Variants in MSI2 observed in about 807,000 individuals in gnomAD.
MSI2 encodes the protein RNA-binding protein Musashi homolog 2.
A neutral mutation model predicts 45.6 loss-of-function variants in MSI2; 17 were observed. The observed-to-expected ratio is 0.37, with a 90% confidence interval of 0.26 to 0.56. The LOEUF (loss-of-function observed/expected upper bound fraction) is 0.56. Among genes scored for constraint, MSI2 ranks in the 20% least tolerant of loss-of-function variants. The pLI is 0.77. For missense variants in MSI2, 293 were observed against 444.2 expected (o/e 0.66, Z 3.06); for synonymous variants, 156 against 158.2 (o/e 0.99, Z 0.11).
intron 5 of MSI2, among the ~76,000 whole-genome samples, chr17:57,356,628 C>A (rs1916442835): frequency 6.6e-6 from 1 of 152,144 alleles, no homozygotes; most frequent in African/African-American, 2.4e-5. Flanking sequence ...CATCTCAATA[C>A]ACAGATGGTT....
At chr17:57,463,896 A>G (rs1231954069) in intron 6 of MSI2, among the ~76,000 whole-genome samples, 2 of 152,134 alleles carry the variant, frequency 1.3e-5, no homozygotes, top group African/African-American at 4.8e-5. Context: ...TTAGACTGGA[A>G]CACTTCAGAC....
At chr17:57,480,044 C>T (rs2085617935) in intron 6 of MSI2, among the ~76,000 whole-genome samples, 1 of 152,150 alleles carries the variant, frequency 6.6e-6, no homozygotes. Context: ...GTGGCGCAGT[C>T]TCAGCTCACT....
chr17:57,364,161 C>G (rs1567781779), intron 5 of MSI2, among the ~76,000 whole-genome samples: 1 of 152,158 alleles, frequency 6.6e-6, no homozygotes, highest in Non-Finnish European at 1.5e-5. Context: ...TTTGTTAGCC[C>G]TCTCTGTGAG....
chr17:57,624,585 G>C (rs541886554), intron 9 of MSI2, among the ~76,000 whole-genome samples: 1 of 152,178 alleles, frequency 6.6e-6, no homozygotes, highest in African/African-American at 2.4e-5. Context: ...GTGCAGAGCT[G>C]CTGGGTCCTT....
chr17:57,579,610 A>G (rs978844143), intron 7 of MSI2, among the ~76,000 whole-genome samples: 3 of 152,228 alleles, frequency 2.0e-5, no homozygotes, highest in Non-Finnish European at 4.4e-5. Flanking sequence ...ATGTTGCTGT[A>G]AACGCAAGGA....
chr17:57,698,715 G>T, the MSI2 span, among the ~76,000 whole-genome samples: 1 of 152,032 alleles, frequency 6.6e-6, no homozygotes, highest in Non-Finnish European at 1.5e-5. Context: ...GCCCCTTGTT[G>T]CCTTTTCATG....
chr17:57,371,310 C>T (rs541657824), intron 5 of MSI2, among the ~76,000 whole-genome samples: 1 of 152,082 alleles, frequency 6.6e-6, no homozygotes, highest in Non-Finnish European at 1.5e-5. Context: ...TAGACGTTTA[C>T]AGAAAGGAGA....
chr17:57,322,897 G>C (rs920159395), intron 5 of MSI2, among the ~76,000 whole-genome samples: 1 of 152,128 alleles, frequency 6.6e-6, no homozygotes, highest in African/African-American at 2.4e-5. Context: ...GAAAATGAGG[G>C]CTGCAGGGCA....
chr17:57,330,558 C>T lies in MSI2; in HGVS notation c.312+68366C>T, dbSNP rs560377535. On this transcript the variant is annotated intron_variant, in intron 5 of 13. Transcript: ENST00000284073. ...CCTCCCAAAGTGCTGGGATTATAGT[C>T]GTGAGCCACTGTGTCCGGCCTCCTT... 1.1e-4 allele frequency among the ~76,000 whole-genome samples: 17 copies of T among 152,186 alleles called. No individual in the cohort carries two copies. The South Asian group carries it at 3.5e-3, about 32-fold the overall frequency.
chr17:57,496,288 A>T (rs1038451835), intron 6 of MSI2, among the ~76,000 whole-genome samples: 1 of 152,144 alleles, frequency 6.6e-6, no homozygotes, highest in Admixed American at 6.5e-5. Context: ...ACAGGAATGG[A>T]TCCCTTTGGC....
chr17:57,693,885 C>G, the MSI2 span, among the ~76,000 whole-genome samples: 1 of 152,146 alleles, frequency 6.6e-6, no homozygotes, highest in African/African-American at 2.4e-5. Context: ...CCAAATCAGG[C>G]CTGTTGCCTA....
chr17:57,662,237 T>C (rs986639618), intron 11 of MSI2, among the ~76,000 whole-genome samples: 4 of 152,132 alleles, frequency 2.6e-5, no homozygotes, highest in Non-Finnish European at 4.4e-5. Flanking sequence ...CTGTTGAAAT[T>C]AGATCTGTCA....
intron 5 of MSI2, among the ~76,000 whole-genome samples, chr17:57,295,992 CTTTTTTTTTTTTTTTTTTTTT>C (rs386386327): frequency 2.3e-4 from 9 of 38,656 alleles, no homozygotes; most frequent in Admixed American, 5.2e-4. Context: ...CGCAGCCTTC[CTTTTTTTTTTTTTTTTTTTTT>C]TTTTTTTTTT....
chr17:57,323,755 G>A (rs573447380), intron 5 of MSI2, among the ~76,000 whole-genome samples: 4 of 152,334 alleles, frequency 2.6e-5, no homozygotes, highest in East Asian at 3.9e-4. Context: ...TGTCAACGGG[G>A]GCATTTTAGG....
chr17:57,531,674 A>G (rs531783971), intron 7 of MSI2: 33 of 152,240 alleles, frequency 2.2e-4, no homozygotes, highest in African/African-American at 7.2e-4. Context: ...AAAATCAGTG[A>G]AAGTATTTTT....
At chr17:57,324,265 C>T (rs1383494928) in intron 5 of MSI2, among the ~76,000 whole-genome samples, 1 of 152,172 alleles carries the variant, frequency 6.6e-6, no homozygotes, top group African/African-American at 2.4e-5. Context: ...CCGCCGGAGC[C>T]CACACCCTGG....
Position 57,596,165 on chromosome 17 carries a change from G to A in MSI2, c.455-703G>A, listed in dbSNP as rs1398085421. ...GGGGCAGGAGGGTAGGAGAGGAACT[G>A]AGGATACTGAGCAGCAGTCGCCTGC... On this transcript the variant is annotated intron_variant, in intron 7 of 13. Transcript: ENST00000284073. This position sits in a 1 kb window ranked among gnomAD's most constrained non-coding sequence, Gnocchi z 4.6. Among the ~76,000 whole-genome samples the A allele has an allele frequency of 6.6e-6, 1 of 152,210 alleles. No homozygotes were observed. Among genetic ancestry groups the A allele is most frequent in the Non-Finnish European group, 1.5e-5 (1 of 68,044 alleles).
intron 7 of MSI2, among the ~76,000 whole-genome samples, chr17:57,575,073 G>T (rs368751694): frequency 6.6e-6 from 1 of 151,472 alleles, no homozygotes; most frequent in Admixed American, 6.6e-5. Flanking sequence ...CTCGTGATCC[G>T]CCCACCTTGG....
chr17:57,304,418 A>ATT (rs143028135), intron 5 of MSI2, among the ~76,000 whole-genome samples: 2 of 138,006 alleles, frequency 1.4e-5, no homozygotes, highest in Admixed American at 7.2e-5. Flanking sequence ...ATAAAGAGTA[A>ATT]TTTTTTTTTT....
Sources: gnomAD v4.1 joint callset for allele counts (sites outside exome capture counted in the v4.1 genomes callset) on GRCh38, gnomAD v4.1.1 for gene constraint, Gnocchi (gnomAD v3.1) non-coding constraint, MANE v1.5 for transcripts, NCBI Gene and HGNC (gene_info 2026-07-23, HGNC 2026-07-21) for gene names.